The following SAXO1 variants were observed in gnomAD, a reference collection of about 807,000 sequenced individuals.
SAXO1 encodes the protein stabilizer of axonemal microtubules 1, also known as 4930500O09Rik.
In SAXO1, 21 loss-of-function variants were observed where a neutral mutation model predicts 17.5. The observed-to-expected ratio is 1.20, with a 90% CI of 0.85 to 1.72. The LOEUF is 1.72. SAXO1 is among the 40% of genes most tolerant of loss of function. The pLI, the probability that SAXO1 is intolerant of heterozygous loss-of-function variation, is 0.00. For missense variants in SAXO1, 843 were observed against 596.0 expected (o/e 1.41, Z -4.32); for synonymous variants, 274 against 216.5 (o/e 1.27, Z -2.33).
Position 18,928,752 on chromosome 9 carries a change from T to TA in SAXO1, c.724_725insT (p.Gln242LeufsTer29). 2.5e-6 allele frequency: 4 copies of TA among 1,614,110 alleles called. No homozygotes were observed. Among genetic ancestry groups the TA allele is most frequent in the Non-Finnish European group, 2.5e-6 (3 of 1,180,032 alleles). ...CTCCCCCATCAGGCCCCGGTAGGAT[T>TA]GTTTTTGAGTGGTAAGGCTTTCAAA... On this transcript the variant is annotated frameshift_variant, in exon 4 of 4. Transcript: ENST00000380534. LOFTEE classifies it low-confidence loss of function (END_TRUNC).
chr9:18,997,260 C>G (rs909988753), intron 1 of SAXO1, among the ~76,000 whole-genome samples: 1 of 152,242 alleles, frequency 6.6e-6, no homozygotes, highest in African/African-American at 2.4e-5. Flanking sequence ...ACTTTTCCCA[C>G]AGTCTTCACA....
At chr9:19,036,461 G>T (rs989394586), upstream of SAXO1, among the ~76,000 whole-genome samples, 1 of 152,000 alleles carries the variant, frequency 6.6e-6, no homozygotes, top group Non-Finnish European at 1.5e-5. Context: ...AGGAGAAAAT[G>T]GTTTCATGGG....
intron 1 of SAXO1, among the ~76,000 whole-genome samples, chr9:18,966,086 G>A (rs1832704949): frequency 6.6e-6 from 1 of 152,208 alleles, no homozygotes; most frequent in South Asian, 2.1e-4. Context: ...CTCTCTTCTG[G>A]TTTGTAGGGT....
intron 1 of SAXO1, among the ~76,000 whole-genome samples, chr9:18,984,581 C>T (rs562796677): frequency 5.1e-4 from 78 of 152,310 alleles, no homozygotes; most frequent in African/African-American, 1.7e-3. Context: ...ACCTTGTGAA[C>T]CAACTTCTGC....
At chr9:19,029,225 A>C (rs545861454) in intron 1 of SAXO1, among the ~76,000 whole-genome samples, 216 of 152,332 alleles carry the variant, frequency 1.4e-3, no homozygotes, top group African/African-American at 5.0e-3. Flanking sequence ...ACATTAAAGA[A>C]TTATTTGCTC....
intron 1 of SAXO1, among the ~76,000 whole-genome samples, chr9:19,044,515 AT>A (rs1464016524): frequency 1.3e-4 from 20 of 152,286 alleles, no homozygotes; most frequent in Admixed American, 1.2e-3. Flanking sequence ...TAAAATCAAA[AT>A]TTTTGGAAGC....
chr9:19,024,783 T>G (rs1170771387), intron 1 of SAXO1, among the ~76,000 whole-genome samples: 1 of 152,094 alleles, frequency 6.6e-6, no homozygotes, highest in Non-Finnish European at 1.5e-5. Flanking sequence ...GGTAGCTGTT[T>G]CCACCCCTCC....
At chr9:18,978,249 C>T (rs1052630094) in intron 1 of SAXO1, among the ~76,000 whole-genome samples, 1 of 151,988 alleles carries the variant, frequency 6.6e-6, no homozygotes, top group African/African-American at 2.4e-5. Flanking sequence ...TTTTCAAGGC[C>T]GCATTTTGAA....
chr9:18,948,185 C>T (rs944985057), intron 2 of SAXO1, among the ~76,000 whole-genome samples: 1 of 152,184 alleles, frequency 6.6e-6, no homozygotes, highest in Admixed American at 6.5e-5. Flanking sequence ...ATGGTAGCTT[C>T]CCTACATTTC....
At chr9:18,992,503 T>C (rs1184799952) in intron 1 of SAXO1, among the ~76,000 whole-genome samples, 1 of 152,194 alleles carries the variant, frequency 6.6e-6, no homozygotes, top group African/African-American at 2.4e-5. Flanking sequence ...CTTTACCAAA[T>C]AAGATCATAT....
At chr9:18,975,187 TG>T (rs1286684498) in intron 1 of SAXO1, among the ~76,000 whole-genome samples, 1 of 151,746 alleles carries the variant, frequency 6.6e-6, no homozygotes, top group African/African-American at 2.4e-5. Context: ...GCATGAGTGC[TG>T]GGGAAGCAAG....
At chr9:19,011,870 G>A (rs1285942562) in intron 1 of SAXO1, among the ~76,000 whole-genome samples, 4 of 132,778 alleles carry the variant, frequency 3.0e-5, no homozygotes, top group Admixed American at 1.6e-4. Flanking sequence ...TTTTTGAGAT[G>A]GAGTCTCATT....
chr9:19,008,480 G>A (rs1313550570), intron 1 of SAXO1, among the ~76,000 whole-genome samples: 1 of 152,144 alleles, frequency 6.6e-6, no homozygotes, highest in Non-Finnish European at 1.5e-5. Context: ...TTTCTGGAAG[G>A]AGCAGAAAGC....
chr9:18,998,549 T>C lies in SAXO1; in HGVS notation c.38+34322A>G, dbSNP rs1448998566. 3.3e-5 allele frequency among the ~76,000 whole-genome samples: 5 copies of C among 152,102 alleles called. No homozygotes were observed. The South Asian group carries it at 6.3e-4, about 19-fold the overall frequency. On this transcript the variant is annotated intron_variant, in intron 1 of 3. Transcript: ENST00000380534. Reference sequence around the variant, plus strand: ...AAGTTAGAAAACACTCTTCGGGATATTATCCAGAAGAACTTTCCCAACCTA... The same window carrying C: ...AAGTTAGAAAACACTCTTCGGGATACTATCCAGAAGAACTTTCCCAACCTA...
rs746698694 is a variant in SAXO1, at chr9:18,950,738, T to C, written c.218+20A>G. 6 of 1,604,636 alleles carry C rather than the reference T, an allele frequency of 3.7e-6. No homozygotes were observed. Among genetic ancestry groups the C allele is most frequent in the Non-Finnish European group, 3.4e-6 (4 of 1,172,696 alleles). ...TTAGTGTTGTATGTACCTGCATACATTAATACTGTTTGCCCTCACCTTGAT... is the reference window on the plus strand; with the variant it reads ...TTAGTGTTGTATGTACCTGCATACACTAATACTGTTTGCCCTCACCTTGAT... On this transcript the variant is annotated intron_variant, in intron 2 of 3. Transcript: ENST00000380534.
rs577110618 is a variant in SAXO1, at chr9:19,032,721, G to A, written c.38+150C>T. ...CTGATGTGGCGTCCGCGGGCACAAC[G>A]CTAGTTGACACAATTGTGGCTTAAA... On this transcript the variant is annotated intron_variant, in intron 1 of 3. Transcript: ENST00000380534. The A allele has an allele frequency of 3.3e-5, 26 of 790,346 alleles. No homozygotes were observed. The Admixed American group carries it at 5.5e-4, about 17-fold the overall frequency. 49.0% of individuals were successfully genotyped at this position (790,346 alleles called of 1,614,324 possible). A position where few individuals can be genotyped will look rare whatever the true frequency, so the allele number is the denominator to read the frequency against.
chr9:18,938,828 G>GTGTGTGTGTA (rs1554667859), intron 3 of SAXO1, among the ~76,000 whole-genome samples: 30 of 114,034 alleles, frequency 2.6e-4, no homozygotes, highest in African/African-American at 9.1e-4. Flanking sequence ...GTGCGTGTGT[G>GTGTGTGTGTA]TGTGTGTGTG....
chr9:18,961,822 G>C (rs1467507107), intron 1 of SAXO1, among the ~76,000 whole-genome samples: 1 of 152,114 alleles, frequency 6.6e-6, no homozygotes, highest in East Asian at 1.9e-4. Context: ...CTTTATAGTA[G>C]AATGATGTAC....
At chr9:19,027,320 A>C in intron 1 of SAXO1, 1 of 805,716 alleles carries the variant, frequency 1.2e-6, no homozygotes, top group South Asian at 1.3e-5. Context: ...ACTCCTATCC[A>C]ATCCTGGAGA....
Sources: gnomAD v4.1 joint callset for allele counts (sites outside exome capture counted in the v4.1 genomes callset) on GRCh38, gnomAD v4.1.1 for gene constraint, MANE v1.5 for transcripts, NCBI Gene and HGNC (gene_info 2026-07-23, HGNC 2026-07-21) for gene names.